PFDN1: variants seen among roughly 807,000 people sequenced by gnomAD.
The protein encoded by PFDN1 is prefoldin subunit 1, also known as prefoldin 1.
In PFDN1, 6 loss-of-function variants were observed where a neutral mutation model predicts 17.3. That is an observed-to-expected ratio of 0.35 (90% confidence interval 0.19 to 0.69). The LOEUF is 0.69. Among genes scored for constraint, PFDN1 ranks in the 30% least tolerant of loss-of-function variants. The pLI is 0.65. For synonymous variants in PFDN1, 58 were observed against 50.1 expected, an observed-to-expected ratio of 1.16 and a Z score of -0.67; for missense variants, 113 against 146.2, an observed-to-expected ratio of 0.77 and a Z score of 1.17.
At chr5:140,290,202 G>A (rs1765558977) in intron 2 of PFDN1, among the ~76,000 whole-genome samples, 1 of 152,028 alleles carries the variant, frequency 6.6e-6, no homozygotes, top group African/African-American at 2.4e-5. Flanking sequence ...ATCTTGATTG[G>A]CCTTACCCAA....
chr5:140,275,090 CAGTA>C (rs1229907117), intron 3 of PFDN1, among the ~76,000 whole-genome samples: 1 of 150,862 alleles, frequency 6.6e-6, no homozygotes, highest in African/African-American at 2.4e-5. Flanking sequence ...AAAAAAAAGA[CAGTA>C]AGACTATCTT....
rs1361064153 is a variant in PFDN1 at position 140,299,392 on chromosome 5, G to A, written c.200+1024C>T. On this transcript the variant is annotated intron_variant, in intron 2 of 3. Coordinates refer to ENST00000261813, the MANE Select transcript of PFDN1 (RefSeq NM_002622.5). ...GGCCAAGGCGGGCGGATCAAGAGGAGAGATTGAGACCATCCTGGCCAACAC... is the reference window on the plus strand; with the variant it reads ...GGCCAAGGCGGGCGGATCAAGAGGAAAGATTGAGACCATCCTGGCCAACAC... Among the ~76,000 whole-genome samples, 3 of 152,154 alleles carry A rather than the reference G, an allele frequency of 2.0e-5. No individual in the cohort carries two copies. In the East Asian group the frequency reaches 5.8e-4, roughly 30 times the overall value.
At chr5:140,276,452 G>A (rs1044323610) in intron 3 of PFDN1, among the ~76,000 whole-genome samples, 2 of 152,124 alleles carry the variant, frequency 1.3e-5, no homozygotes, top group Non-Finnish European at 2.9e-5. Flanking sequence ...ACTTTTCGAA[G>A]ATCTAGCAGA....
chr5:140,255,997 T>C (rs1223621896), intron 3 of PFDN1, among the ~76,000 whole-genome samples: 1 of 152,196 alleles, frequency 6.6e-6, no homozygotes, highest in African/African-American at 2.4e-5. Flanking sequence ...TGCTTCTCTG[T>C]CATCTTACTC....
chr5:140,258,499 G>A (rs1765019479), intron 3 of PFDN1, among the ~76,000 whole-genome samples: 1 of 150,416 alleles, frequency 6.6e-6, no homozygotes, highest in South Asian at 2.1e-4. Flanking sequence ...ACGCGTGAAT[G>A]TTGGAAACCT....
At chr5:140,282,729 AG>A (rs1198058371) in intron 2 of PFDN1, among the ~76,000 whole-genome samples, 2 of 152,254 alleles carry the variant, frequency 1.3e-5, no homozygotes, top group Non-Finnish European at 2.9e-5. Flanking sequence ...CTTCAGGGAA[AG>A]GAAGAACAAA....
At chr5:140,285,596 T>C (rs7715538) in intron 2 of PFDN1, among the ~76,000 whole-genome samples, 72,251 of 151,806 alleles carry the variant, frequency 0.48, 17,430 homozygotes, top group South Asian at 0.71. Flanking sequence ...ACTTCTGTTA[T>C]TGGCATAATG....
intron 2 of PFDN1, among the ~76,000 whole-genome samples, chr5:140,294,054 T>C (rs896269627): frequency 1.1e-4 from 16 of 152,036 alleles, no homozygotes; most frequent in African/African-American, 3.9e-4. Context: ...TAAAAAGTAA[T>C]CTCATCTTAC....
At chr5:140,259,989 C>A (rs1042679726) in intron 3 of PFDN1, among the ~76,000 whole-genome samples, 4 of 152,038 alleles carry the variant, frequency 2.6e-5, no homozygotes, top group Admixed American at 6.5e-5. Context: ...ATTATCATTA[C>A]AAAAATGCAA....
At chr5:140,277,008 T>G (rs920032629) in intron 3 of PFDN1, among the ~76,000 whole-genome samples, 31 of 151,764 alleles carry the variant, frequency 2.0e-4, no homozygotes, top group African/African-American at 7.0e-4. Flanking sequence ...TCACCCGAGG[T>G]CAGGAGTTCG....
intron 3 of PFDN1, among the ~76,000 whole-genome samples, chr5:140,250,637 A>G (rs2126678032): frequency 6.6e-6 from 1 of 152,360 alleles, no homozygotes; most frequent in Non-Finnish European, 1.5e-5. Flanking sequence ...GGCACATAAT[A>G]GGAATTTAAT....
At chr5:140,262,571 A>T (rs1765080392) in intron 3 of PFDN1, 1 of 455,836 alleles carries the variant, frequency 2.2e-6, no homozygotes, top group African/African-American at 2.0e-5. Context: ...AGCCCTACCA[A>T]TGGCAATGTT....
intron 3 of PFDN1, among the ~76,000 whole-genome samples, chr5:140,279,363 A>T (rs1765354993): frequency 1.3e-5 from 2 of 152,314 alleles, no homozygotes; most frequent in South Asian, 4.1e-4. Context: ...TAAAAGATAA[A>T]ACATTCTACC....
chr5:140,280,014 C>CCAA (rs1335205089), intron 3 of PFDN1, among the ~76,000 whole-genome samples: 9 of 99,120 alleles, frequency 9.1e-5, no homozygotes, highest in African/African-American at 2.5e-4. Flanking sequence ...AAAAAAAAAA[C>CCAA]AAAAAAAGAA....
At chr5:140,280,014 C>CCAAAAAA (rs1335205089) in intron 3 of PFDN1, among the ~76,000 whole-genome samples, 7 of 99,104 alleles carry the variant, frequency 7.1e-5, no homozygotes, top group African/African-American at 2.0e-4. Flanking sequence ...AAAAAAAAAA[C>CCAAAAAA]AAAAAAAGAA....
At chr5:140,275,287 T>C (rs1220089982) in intron 3 of PFDN1, among the ~76,000 whole-genome samples, 1 of 151,708 alleles carries the variant, frequency 6.6e-6, no homozygotes, top group African/African-American at 2.4e-5. Context: ...GGTGTGCCTG[T>C]AGTCCCAGCT....
chr5:140,299,725 C>CT (rs1765711553), intron 2 of PFDN1, among the ~76,000 whole-genome samples: 1 of 151,872 alleles, frequency 6.6e-6, no homozygotes, highest in African/African-American at 2.4e-5. Flanking sequence ...TTCTAAGATA[C>CT]TTTAACCTGC....
At chr5:140,265,378 C>T (rs1481747641) in intron 3 of PFDN1, among the ~76,000 whole-genome samples, 3 of 152,158 alleles carry the variant, frequency 2.0e-5, no homozygotes, top group Admixed American at 6.5e-5. Flanking sequence ...TCCACAAACC[C>T]TGTCCCTTCT....
chr5:140,302,967 C>A, intron 1 of PFDN1, 74 bp downstream of exon 1: 1 of 1,049,096 alleles, frequency 9.5e-7, no homozygotes, highest in South Asian at 1.3e-5. Flanking sequence ...GCTCGTGCCT[C>A]ACTTGATATT....
Sources: gnomAD v4.1 joint callset for allele counts (sites outside exome capture counted in the v4.1 genomes callset) on GRCh38, gnomAD v4.1.1 for gene constraint, MANE v1.5 for transcripts, NCBI Gene and HGNC (gene_info 2026-07-23, HGNC 2026-07-21) for gene names.